Variants in PWP1 observed in about 807,000 individuals in gnomAD.
The protein encoded by PWP1 is PWP1 homolog, endonuclein, also known as periodic tryptophan protein 1 homolog.
In PWP1, 47 loss-of-function variants were observed where a neutral mutation model predicts 69.9. The observed-to-expected ratio is 0.67, with a 90% CI of 0.53 to 0.86. The LOEUF is 0.86. Ranked by LOEUF, PWP1 falls within the 40% of genes least tolerant of loss-of-function variation. PWP1 has a pLI of 0.00. For missense variants in PWP1, 551 were observed against 608.8 expected (o/e 0.91, Z 1.00); for synonymous variants, 222 against 208.2 (o/e 1.07, Z -0.57).
Position 107,686,103 on chromosome 12 carries a change from C to T in PWP1, c.72+132C>T, listed in dbSNP as rs1213525948. ...ACTGGCTGGGGTGAGGGCGGCTTTG[C>T]CCGGATTGTCGCGACTAGAGCTGCA... On this transcript the variant is annotated intron_variant, in intron 1 of 14. Transcript: ENST00000412830. 2.7e-5 allele frequency: 26 copies of T among 957,810 alleles called. No homozygotes were observed. The South Asian group carries it at 3.4e-4, about 12-fold the overall frequency. 59.3% of individuals were successfully genotyped at this position (957,810 alleles called of 1,614,324 possible). A position where few individuals can be genotyped will look rare whatever the true frequency, so the allele number is the denominator to read the frequency against.
intron 8 of PWP1, among the ~76,000 whole-genome samples, chr12:107,700,926 G>T (rs932490615): frequency 6.6e-6 from 1 of 152,012 alleles, no homozygotes; most frequent in African/African-American, 2.4e-5. Flanking sequence ...TAAGATGGGG[G>T]TCTATGTTGC....
At chr12:107,694,166 G>T (rs1889537614) in intron 5 of PWP1, among the ~76,000 whole-genome samples, 1 of 152,082 alleles carries the variant, frequency 6.6e-6, no homozygotes, top group Non-Finnish European at 1.5e-5. Context: ...GCTAAAAGTA[G>T]ACTTGCACAA....
chr12:107,697,927 C>A (rs1237818044), intron 7 of PWP1: 2 of 376,308 alleles, frequency 5.3e-6, no homozygotes, highest in African/African-American at 2.1e-5. Flanking sequence ...GATATACCAA[C>A]CTTGAACTTT....
At chr12:107,709,484 T>G (rs572292140) in intron 13 of PWP1, among the ~76,000 whole-genome samples, 11 of 151,976 alleles carry the variant, frequency 7.2e-5, no homozygotes, top group African/African-American at 2.7e-4. Flanking sequence ...GGGAGAGGGT[T>G]TTCTAGGACA....
chr12:107,711,845 G>T (rs887895061), intron 14 of PWP1, among the ~76,000 whole-genome samples: 1 of 152,106 alleles, frequency 6.6e-6, no homozygotes, highest in African/African-American at 2.4e-5. Context: ...GGCCAGGAGA[G>T]GGTCACTTAT....
chr12:107,710,483 G>T lies in PWP1; in HGVS notation c.1369G>T (p.Val457Phe). 1.2e-6 allele frequency: 2 copies of T among 1,608,224 alleles called. No individual in the cohort carries two copies. The highest frequency in any genetic ancestry group is 1.1e-5 in the South Asian group (1 of 90,946). The change falls in exon 14 of 15, where the codon GTC becomes TTC. Residue 457 changes from valine (V) to phenylalanine (F), a missense_variant. Val to Phe is a conservative substitution (Grantham distance 50). Transcript: ENST00000412830. Reference sequence around the variant, plus strand: ...TGGAGGTCAAAAAGAAGGGCTTCGGGTCTGGGATATAAGCACAGTCTCTTC... The same window carrying T: ...TGGAGGTCAAAAAGAAGGGCTTCGGTTCTGGGATATAAGCACAGTCTCTTC... ...AFGGQKEGLR[V>F]WDISTVSSVN...
intron 5 of PWP1, among the ~76,000 whole-genome samples, chr12:107,694,016 G>T (rs1257144702): frequency 2.6e-5 from 4 of 152,212 alleles, no homozygotes; most frequent in African/African-American, 9.6e-5. Context: ...AAAGCCAGAA[G>T]CGGATGCTTT....
intron 11 of PWP1, 88 bp from the exon 12 acceptor site, chr12:107,708,838 T>G: frequency 2.6e-6 from 3 of 1,166,990 alleles, no homozygotes; most frequent in Non-Finnish European, 3.8e-6. Flanking sequence ...GTAAGTCATA[T>G]AGCTGATTTT....
At chr12:107,691,681 C>T (rs1362136909) in intron 3 of PWP1, among the ~76,000 whole-genome samples, 3 of 151,778 alleles carry the variant, frequency 2.0e-5, no homozygotes, top group South Asian at 2.1e-4. Flanking sequence ...ATCTTATTAT[C>T]GCTGGTGTAC....
rs1336085747 is a variant in PWP1, at chr12:107,712,870, C to CTT, written c.*652_*653dup. On this transcript the variant is annotated 3_prime_UTR_variant, in exon 15 of 15. Coordinates refer to ENST00000412830, the MANE Select transcript of PWP1 (RefSeq NM_007062.3). ...CATGGGAGATTCAGTGTGAATAAGT[C>CTT]TTTGCTCTCCACCTAACAAGGGACA... The CTT allele has an allele frequency of 6.6e-6, 1 of 152,212 alleles. No individual in the cohort carries two copies. The highest frequency in any genetic ancestry group is 1.5e-5 in the Non-Finnish European group (1 of 68,048). 9.4% of individuals were successfully genotyped at this position (152,212 alleles called of 1,614,324 possible).
intron 1 of PWP1, 194 bp downstream of exon 1, chr12:107,686,165 A>G: frequency 1.6e-6 from 1 of 627,654 alleles, no homozygotes; most frequent in East Asian, 2.8e-5. Context: ...CTGGAGAGTC[A>G]AGGGCCGCGC....
chr12:107,704,729 T>C lies in PWP1; in HGVS notation c.1059T>C (p.Phe353=), dbSNP rs1285573289. The stretch of plus-strand genomic sequence containing the variant: ...TAGAGAGAGTGACTTGGAATCACTT[T>C]TCACCTTGTCATTTCTTGGTAAGAG... ...GQIERVTWNH[F]SPCHFLASTD... is the part of the protein sequence containing the mutation. The change falls in exon 11 of 15, where the codon TTT becomes TTC. Residue 353 remains phenylalanine (F), a synonymous_variant. Coordinates refer to ENST00000412830, the MANE Select transcript of PWP1 (RefSeq NM_007062.3). The C allele has an allele frequency of 1.2e-6, 2 of 1,613,870 alleles. No homozygotes were observed. The highest frequency in any genetic ancestry group is 1.7e-6 in the Non-Finnish European group (2 of 1,179,782).
rs143776807 is a variant in PWP1, at chr12:107,690,099, T to G, written c.319+1297T>G. ...GGGACTCCTGACAGCTAGAATCAGCTACTCCCAAGTTATAAAATCAAAATG... is the reference window on the plus strand; with the variant it reads ...GGGACTCCTGACAGCTAGAATCAGCGACTCCCAAGTTATAAAATCAAAATG... On this transcript the variant is annotated intron_variant, in intron 3 of 14. Coordinates refer to ENST00000412830, the MANE Select transcript of PWP1 (RefSeq NM_007062.3). Among the ~76,000 whole-genome samples, 11 of 152,316 alleles carry G rather than the reference T, an allele frequency of 7.2e-5. No individual in the cohort carries two copies. The East Asian group carries it at 2.1e-3, about 29-fold the overall frequency.
chr12:107,712,152 A>C lies in PWP1; in HGVS notation c.1438A>C (p.Ser480Arg), dbSNP rs1267630731. ...FGRRERLVLG[S>R]ARNSSISGPF... ...AAGACGAGAGAGGCTTGTTCTTGGG[A>C]GTGCAAGAAATTCATCTATTAGTGG... Residue 480 changes from serine to arginine, a missense_variant, in exon 15 of 15, where the codon AGT (serine) becomes CGT (arginine). By Grantham distance (110) the Ser-to-Arg change is moderately radical (BLOSUM62 -1). Coordinates refer to ENST00000412830, the MANE Select transcript of PWP1 (RefSeq NM_007062.3). The C allele has an allele frequency of 6.2e-7, 1 of 1,614,082 alleles. No individual in the cohort carries two copies. Among genetic ancestry groups the C allele is most frequent in the Non-Finnish European group, 8.5e-7 (1 of 1,179,956 alleles).
intron 8 of PWP1, among the ~76,000 whole-genome samples, chr12:107,702,366 C>T (rs377062294): frequency 1.3e-5 from 2 of 152,050 alleles, no homozygotes; most frequent in East Asian, 1.9e-4. Context: ...CTGCAACCTC[C>T]GCTTTTTGGG....
At chr12:107,693,740 G>GA (rs1228518738) in intron 5 of PWP1, among the ~76,000 whole-genome samples, 1 of 151,880 alleles carries the variant, frequency 6.6e-6, no homozygotes, top group African/African-American at 2.4e-5. Flanking sequence ...CTCTAGGGGA[G>GA]AAAAAAATGT....
chr12:107,688,213 T>C (rs1340432064), intron 1 of PWP1, among the ~76,000 whole-genome samples: 1 of 151,978 alleles, frequency 6.6e-6, no homozygotes, highest in East Asian at 1.9e-4. Flanking sequence ...GTTTTAAGAC[T>C]AAGAGGTGGA....
Position 107,696,455 on chromosome 12 carries a change from C to T in PWP1, c.503-19C>T. The T allele has an allele frequency of 1.2e-6, 2 of 1,607,834 alleles. No individual in the cohort carries two copies. Among genetic ancestry groups the T allele is most frequent in the South Asian group, 2.2e-5 (2 of 89,744 alleles). ...GACTCATTCTGATACATTAAAGTCT[C>T]TTTTCCCAATCTTTTCAGTTTATAA... is the stretch of plus-strand genomic sequence containing the variant. On this transcript the variant is annotated intron_variant, in intron 5 of 14. Transcript: ENST00000412830.
chr12:107,700,206 A>ATC (rs1337780500), intron 8 of PWP1, among the ~76,000 whole-genome samples: 1 of 152,200 alleles, frequency 6.6e-6, no homozygotes, highest in Non-Finnish European at 1.5e-5. Flanking sequence ...GCCAAATCCT[A>ATC]TCACCATTTT....
Sources: allele counts gnomAD v4.1 joint callset (sites outside exome capture counted in the v4.1 genomes callset), GRCh38; gene constraint gnomAD v4.1.1; transcripts MANE v1.5; gene names NCBI Gene and HGNC (gene_info 2026-07-23, HGNC 2026-07-21).